Variants in USP34 observed in about 807,000 individuals in gnomAD.
USP34 encodes the protein ubiquitin specific peptidase 34.
Under a neutral mutation model 460.3 loss-of-function variants are expected in USP34, and 70 were observed. The ratio of observed to expected loss-of-function variants is 0.15; its 90% CI spans 0.13 to 0.19. The LOEUF (loss-of-function observed/expected upper bound fraction) is 0.19. USP34 is among the 10% of genes least tolerant of loss of function. The pLI is 1.00. For missense variants in USP34, 3,985 were observed against 4,236.2 expected, an observed-to-expected ratio of 0.94 and a Z score of 1.65; for synonymous variants, 1,647 against 1,405.3, an observed-to-expected ratio of 1.17 and a Z score of -3.85.
At chr2:61,426,046 A>G (rs1171659189) in intron 1 of USP34, among the ~76,000 whole-genome samples, 1 of 152,054 alleles carries the variant, frequency 6.6e-6, no homozygotes, top group Non-Finnish European at 1.5e-5. Context: ...AGCTGACAGC[A>G]TTCATCACCT....
intron 1 of USP34, 56 bp downstream of exon 1, chr2:61,470,594 G>T: frequency 7.8e-7 from 1 of 1,286,278 alleles, no homozygotes; most frequent in Non-Finnish European, 1.1e-6. Flanking sequence ...AGGCCAGAGA[G>T]CTGCGCGAGG....
intron 1 of USP34, among the ~76,000 whole-genome samples, chr2:61,466,974 A>G (rs1323289221): frequency 2.6e-5 from 4 of 151,830 alleles, no homozygotes; most frequent in Non-Finnish European, 5.9e-5. Flanking sequence ...CTGTTTGTTA[A>G]TTTCACAAGA....
At chr2:61,461,422 C>T (rs1303080507) in intron 1 of USP34, among the ~76,000 whole-genome samples, 1 of 151,444 alleles carries the variant, frequency 6.6e-6, no homozygotes, top group African/African-American at 2.4e-5. Flanking sequence ...ACCCAAAACA[C>T]TGAAATCTGA....
intron 30 of USP34, among the ~76,000 whole-genome samples, chr2:61,296,392 TC>T (rs1201219800): frequency 6.6e-6 from 1 of 152,214 alleles, no homozygotes; most frequent in Non-Finnish European, 1.5e-5. Flanking sequence ...TTTATTTGCC[TC>T]ATTTTCTCCA....
intron 16 of USP34, among the ~76,000 whole-genome samples, chr2:61,341,554 G>C (rs1691600520): frequency 6.6e-6 from 1 of 151,902 alleles, no homozygotes; most frequent in South Asian, 2.1e-4. Context: ...TGGTTGTTTA[G>C]AAGAGAGTGA....
At position 61,188,286 on chromosome 2, in the gene USP34, C is replaced by G; in HGVS notation, c.10457G>C (p.Cys3486Ser). ...VLSDLADLRS[C>S]DGQALPSQDP... ...CTGGGAGGGCAAAGCTTGGCCATCA[C>G]AGCTTCTCAAGTCAGCTAAGTCAGA... Residue 3486 changes from cysteine to serine, a missense_variant, in exon 80 of 80, where the codon TGT (cysteine) becomes TCT (serine). Cys to Ser is a moderately radical substitution (Grantham distance 112, BLOSUM62 -1). This residue lies in a region of USP34 where 506 missense variants were observed against 439.0 expected (regional missense o/e 1.15). Transcript: ENST00000398571. The G allele has an allele frequency of 6.2e-7, 1 of 1,613,906 alleles. No homozygotes were observed. Among genetic ancestry groups the G allele is most frequent in the Non-Finnish European group, 8.5e-7 (1 of 1,180,020 alleles).
At chr2:61,209,951 A>G (rs1687227472) in intron 69 of USP34, among the ~76,000 whole-genome samples, 1 of 152,172 alleles carries the variant, frequency 6.6e-6, no homozygotes, top group Non-Finnish European at 1.5e-5. Context: ...AAAAGAAAAA[A>G]AATTTAAATA....
chr2:61,427,935 G>A (rs1694558572), intron 1 of USP34, among the ~76,000 whole-genome samples: 2 of 152,190 alleles, frequency 1.3e-5, no homozygotes, highest in East Asian at 1.9e-4. Context: ...GGCTGAGGGA[G>A]GCAGATCACC....
intron 57 of USP34, among the ~76,000 whole-genome samples, 165 bp downstream of exon 57, chr2:61,235,680 T>C (rs1688047408): frequency 6.6e-6 from 1 of 152,108 alleles, no homozygotes; most frequent in South Asian, 2.1e-4. Flanking sequence ...GTAATGGATG[T>C]GATATATAAA....
chr2:61,202,849 G>C (rs1687015231), intron 75 of USP34, among the ~76,000 whole-genome samples: 1 of 152,044 alleles, frequency 6.6e-6, no homozygotes, highest in Non-Finnish European at 1.5e-5. Flanking sequence ...TTTGTTTTCA[G>C]AATCTGCTGG....
chr2:61,440,704 G>T (rs1469225837), intron 1 of USP34, among the ~76,000 whole-genome samples: 1 of 151,626 alleles, frequency 6.6e-6, no homozygotes, highest in Non-Finnish European at 1.5e-5. Flanking sequence ...TTTTAGTAGA[G>T]ATGGGGTTTC....
In USP34 at chr2:61,188,143, C is replaced by G. The variant is rs372729949; in HGVS notation, c.10600G>C (p.Val3534Leu). The G allele has an allele frequency of 6.2e-7, 1 of 1,613,664 alleles. No individual in the cohort carries two copies. Among genetic ancestry groups the G allele is most frequent in the Non-Finnish European group, 8.5e-7 (1 of 1,179,946 alleles). ...TTTCCTTTGCCAGATATCCTTGTGA[C>G]GACATGGATTGTAGATTCAATGGTC... ...CRTIESTIHV[V>L]TRISGKGNQA... Residue 3534 changes from valine to leucine, a missense_variant, in exon 80 of 80, where the codon GTC becomes CTC. Physicochemically the swap from Val to Leu is conservative, Grantham distance 32. Around this residue, in one of 14 missense-constraint regions of USP34, gnomAD observed 506 missense variants for 439.0 expected, o/e 1.15. Coordinates refer to ENST00000398571, the MANE Select transcript of USP34 (RefSeq NM_014709.4).
chr2:61,349,440 G>A (rs770072227), intron 12 of USP34, among the ~76,000 whole-genome samples, 155 bp from the exon 13 acceptor site: 1 of 152,134 alleles, frequency 6.6e-6, no homozygotes, highest in African/African-American at 2.4e-5. Flanking sequence ...GTTGTTGGGG[G>A]TGCCTGCACA....
At chr2:61,428,467 C>A (rs987530585) in intron 1 of USP34, among the ~76,000 whole-genome samples, 3 of 152,086 alleles carry the variant, frequency 2.0e-5, no homozygotes, top group Non-Finnish European at 4.4e-5. Flanking sequence ...TAATAAAAGC[C>A]TTAGGCAATG....
chr2:61,374,516 A>C (rs1022199942), intron 8 of USP34, among the ~76,000 whole-genome samples: 1 of 152,168 alleles, frequency 6.6e-6, no homozygotes, highest in Non-Finnish European at 1.5e-5. Context: ...ATTCCCACCT[A>C]AAGTCAAACA....
rs771380819 is a variant in USP34, at chr2:61,248,714, TA to T, written c.6222-32del. On this transcript the variant is annotated intron_variant, in intron 48 of 79. Transcript: ENST00000398571. ...AGACAAGAAAAAAATTAATAAAGAT[TA>T]TTTTTTACAAATACTTCAGTTGGTT... 3.2e-5 allele frequency: 49 copies of T among 1,514,640 alleles called. No individual in the cohort carries two copies. The African/African-American group carries it at 5.2e-4, about 16-fold the overall frequency. The allele number at this position is 1,514,640 out of a possible 1,614,324, so 93.8% of individuals were successfully genotyped here. A position where few individuals can be genotyped will look rare whatever the true frequency, so the allele number is the denominator to read the frequency against.
chr2:61,188,150 G>A lies in USP34; in HGVS notation c.10593C>T (p.Ile3531=). Residue 3531 remains isoleucine (I), a synonymous_variant, in exon 80 of 80, where the codon ATC becomes ATT. Coordinates refer to ENST00000398571, the MANE Select transcript of USP34 (RefSeq NM_014709.4). The part of the protein sequence containing the change: ...DTLCRTIEST[I]HVVTRISGKG... The stretch of plus-strand genomic sequence containing the variant: ...TGCCAGATATCCTTGTGACGACATG[G>A]ATTGTAGATTCAATGGTCCTACACA... 6.2e-7 allele frequency: 1 copy of A among 1,614,090 alleles called. No individual in the cohort carries two copies.
At chr2:61,206,147 A>G in intron 71 of USP34, 23 bp from the exon 72 acceptor site, 4 of 1,586,736 alleles carry the variant, frequency 2.5e-6, no homozygotes, top group Non-Finnish European at 3.5e-6. Context: ...AAGCACATAT[A>G]AATATGCCAT....
rs200816142 is a variant in USP34 at position 61,350,274 on chromosome 2, A to G, written c.1493T>C (p.Ile498Thr). ...FASLLNTNIP[I>T]GNKKEEEELR... ...ACATTACTAACCTTTCTTATTTCCA[A>G]TGGGAATATTAGTATTTAATAAAGA... Residue 498 changes from isoleucine to threonine, a missense_variant, in exon 12 of 80, where the codon ATT becomes ACT. By Grantham distance (89) the Ile-to-Thr change is moderately conservative. Coordinates refer to ENST00000398571, the MANE Select transcript of USP34 (RefSeq NM_014709.4). The G allele has an allele frequency of 1.1e-4, 176 of 1,603,136 alleles. No individual in the cohort carries two copies. Among genetic ancestry groups the G allele is most frequent in the Middle Eastern group, 8.5e-4 (5 of 5,880 alleles).
Sources: gnomAD v4.1 joint callset for allele counts (sites outside exome capture counted in the v4.1 genomes callset) on GRCh38, gnomAD v4.1.1 for gene constraint, gnomAD v4.1.1 regional missense constraint, MANE v1.5 for transcripts, NCBI Gene and HGNC (gene_info 2026-07-23, HGNC 2026-07-21) for gene names.